The following ODF2 variants were observed in gnomAD, a reference collection of about 807,000 sequenced individuals.
The protein encoded by ODF2 is outer dense fiber protein 2.
In ODF2, 47 loss-of-function variants were observed where a neutral mutation model predicts 110.2. The ratio of observed to expected loss-of-function variants is 0.43; its 90% confidence interval spans 0.34 to 0.54. The LOEUF is 0.54. Ranked by LOEUF, ODF2 falls within the 20% of genes least tolerant of loss-of-function variation. The pLI is 0.03. For synonymous variants in ODF2, 352 were observed against 397.7 expected (o/e 0.89, Z 1.37); for missense variants, 812 against 1,054.5 (o/e 0.77, Z 3.19).
Position 128,459,592 on chromosome 9 carries a change from G to A in ODF2, c.58G>A (p.Val20Ile), listed in dbSNP as rs759153208. 11 of 1,613,906 alleles carry A rather than the reference G, an allele frequency of 6.8e-6. No homozygotes were observed. In the Admixed American group the frequency reaches 8.3e-5, roughly 12 times the overall value. Reference sequence around the variant, plus strand: ...GTTTCCATCGTGTGGGAAGAACGGAGTAACGAGTCTCACGCAGAAAAAGGT... The same window carrying A: ...GTTTCCATCGTGTGGGAAGAACGGAATAACGAGTCTCACGCAGAAAAAGGT... The change falls in exon 3 of 21, where the codon GTA (valine) becomes ATA (isoleucine). Residue 20 changes from valine to isoleucine, a missense_variant. Transcript: ENST00000604420.
At position 128,473,434 on chromosome 9, in the gene ODF2, C is replaced by G. The variant is rs1332888524; in HGVS notation, c.712-176C>G. 10 of 703,592 alleles carry G rather than the reference C, an allele frequency of 1.4e-5. No individual in the cohort carries two copies. The African/African-American group carries it at 1.7e-4, about 12-fold the overall frequency. 43.6% of individuals were successfully genotyped at this position (703,592 alleles called of 1,614,324 possible). On this transcript the variant is annotated intron_variant, in intron 7 of 20. Coordinates refer to ENST00000604420, the Ensembl canonical transcript of ODF2. ...CCTTTGCTCGGAGCAGACTTAGCTC[C>G]TGCTTGTCCCTTTAGGTCCACCGCT...
chr9:128,469,097 T>C (rs1272388372), intron 4 of ODF2, 86 bp from the exon 5 acceptor site: 4 of 1,338,302 alleles, frequency 3.0e-6, no homozygotes, highest in Non-Finnish European at 4.2e-6. Context: ...TTTTCCCGTC[T>C]AATCAGTAAA....
At chr9:128,484,396 G>A (rs759644723) in intron 11 of ODF2, among the ~76,000 whole-genome samples, 1 of 152,142 alleles carries the variant, frequency 6.6e-6, no homozygotes, top group East Asian at 1.9e-4. Flanking sequence ...ACTCTGCTGA[G>A]TGACCAAGGA....
At chr9:128,468,906 A>G in intron 4 of ODF2, 1 of 360,664 alleles carries the variant, frequency 2.8e-6, no homozygotes, top group South Asian at 4.8e-5. Context: ...GCCTCCCAAT[A>G]TACTGGTTTT....
At chr9:128,497,573 G>A (rs1845881824) in intron 18 of ODF2, 1 of 148,844 alleles carries the variant, frequency 6.7e-6, no homozygotes, top group African/African-American at 2.5e-5. Flanking sequence ...GAACCCGGGA[G>A]GCGGAGCTTG....
chr9:128,462,464 G>A (rs1414912339), intron 4 of ODF2, among the ~76,000 whole-genome samples: 3 of 151,972 alleles, frequency 2.0e-5, no homozygotes, highest in African/African-American at 7.2e-5. Flanking sequence ...CTTTTAAAAC[G>A]TTTTTTATAG....
intron 14 of ODF2, 107 bp from the exon 15 acceptor site, chr9:128,492,319 T>C: frequency 1.3e-6 from 1 of 760,486 alleles, no homozygotes; most frequent in Non-Finnish European, 2.4e-6. Flanking sequence ...CTCTGTGGGT[T>C]AGAGTAGGGG....
rs755161281 is a variant in ODF2, at chr9:128,494,719, C to T, written c.1911+51C>T. The T allele has an allele frequency of 6.2e-7, 1 of 1,614,102 alleles. No individual in the cohort carries two copies. The highest frequency in any genetic ancestry group is 1.7e-5 in the Admixed American group (1 of 60,028). On this transcript the variant is annotated intron_variant, in intron 17 of 20. Coordinates refer to ENST00000604420, the Ensembl canonical transcript of ODF2. The surrounding 1 kb of genome is among the most constrained non-coding windows in gnomAD (Gnocchi z 4.6). ...ACGAACTGACCCGAGCAGGGGCCCGCATACCAAGATGAGCTGCACGCCCCC... is the reference window on the plus strand; with the variant it reads ...ACGAACTGACCCGAGCAGGGGCCCGTATACCAAGATGAGCTGCACGCCCCC...
Position 128,485,425 on chromosome 9 carries a change from G to C in ODF2, c.1351G>C (p.Val451Leu), listed in dbSNP as rs1238453853. Reference sequence around the variant, plus strand: ...ATCCTGGAGGAGCCGCTACAACCAAGTTGTAAAAGAAAAGGGAGACCTTGA... The same window carrying C: ...ATCCTGGAGGAGCCGCTACAACCAACTTGTAAAAGAAAAGGGAGACCTTGA... The change falls in exon 13 of 21, where the codon GTT becomes CTT. Residue 451 changes from valine to leucine, a missense_variant. Physicochemically the swap from Val to Leu is conservative, Grantham distance 32. Around this residue, in one of 5 missense-constraint regions of ODF2, gnomAD observed 165 missense variants for 293.4 expected, o/e 0.56. Transcript: ENST00000604420. The surrounding 1 kb of genome is among the most constrained non-coding windows in gnomAD (Gnocchi z 5.0). 1.2e-6 allele frequency: 2 copies of C among 1,611,646 alleles called. No individual in the cohort carries two copies. Among genetic ancestry groups the C allele is most frequent in the Non-Finnish European group, 8.5e-7 (1 of 1,177,974 alleles).
intron 2 of ODF2, among the ~76,000 whole-genome samples, chr9:128,458,755 T>G (rs1211954423): frequency 3.7e-4 from 57 of 152,108 alleles, no homozygotes; most frequent in Admixed American, 1.3e-4. Context: ...TTTATTCTCT[T>G]AGGGGAATAT....
At position 128,471,475 on chromosome 9, in the gene ODF2, T is replaced by C. The variant is rs138460347; in HGVS notation, c.581+7T>C. ...AGGAGAAGGACTTCACCATGTAAGG[T>C]GGCTCCTGCTCTGTCCCCGCTGATC... On this transcript the variant is annotated splice_region_variant and intron_variant, in intron 6 of 20. Transcript: ENST00000604420. The C allele has an allele frequency of 1.8e-4, 294 of 1,612,744 alleles. No homozygotes were observed. The Middle Eastern group carries it at 3.3e-3, about 18-fold the overall frequency.
chr9:128,501,057 T>G (rs1159459302), downstream of ODF2: 1 of 152,188 alleles, frequency 6.6e-6, no homozygotes, highest in Non-Finnish European at 1.5e-5. Context: ...CCAGTAGACA[T>G]TTTTAAAGTA....
At position 128,494,753 on chromosome 9, in the gene ODF2, G is replaced by A. The variant is rs1190271680; in HGVS notation, c.1911+85G>A. The A allele has an allele frequency of 6.2e-7, 1 of 1,611,900 alleles. No individual in the cohort carries two copies. The highest frequency in any genetic ancestry group is 1.3e-5 in the African/African-American group (1 of 74,864). On this transcript the variant is annotated intron_variant, in intron 17 of 20. Coordinates refer to ENST00000604420, the Ensembl canonical transcript of ODF2. This position sits in a 1 kb window ranked among gnomAD's most constrained non-coding sequence, Gnocchi z 4.6. Reference sequence around the variant, plus strand: ...ATGAGCTGCACGCCCCCCAAGGGAGGACTACTTCCTTTTTCTTGGCTGCTG... The same window carrying A: ...ATGAGCTGCACGCCCCCCAAGGGAGAACTACTTCCTTTTTCTTGGCTGCTG...
chr9:128,491,736 A>C (rs937230308), intron 14 of ODF2, among the ~76,000 whole-genome samples: 18 of 152,226 alleles, frequency 1.2e-4, no homozygotes, highest in African/African-American at 4.3e-4. Context: ...AAACTATGTT[A>C]CATAGCAGTA....
chr9:128,456,330 G>A (rs1485199086), intron 1 of ODF2, 75 bp downstream of exon 1: 62 of 1,459,758 alleles, frequency 4.2e-5, no homozygotes, highest in Middle Eastern at 4.9e-4. Flanking sequence ...TCGCACCCCC[G>A]GCGCGGTCGA....
upstream of ODF2, chr9:128,455,244 G>A (rs2131363428): frequency 2.0e-6 from 3 of 1,535,070 alleles, no homozygotes; most frequent in East Asian, 2.4e-5. Flanking sequence ...TACACAGAGC[G>A]GCATAGAGAG....
rs1419839694 is a variant in ODF2, at chr9:128,498,998, C to T, written c.2176-3C>T. 8 of 1,613,344 alleles carry T rather than the reference C, an allele frequency of 5.0e-6. No homozygotes were observed. The South Asian group carries it at 7.7e-5, about 16-fold the overall frequency. On this transcript the variant is annotated splice_polypyrimidine_tract_variant and splice_region_variant and intron_variant, in intron 19 of 20. Transcript: ENST00000604420. The stretch of plus-strand genomic sequence containing the variant: ...TCTCATGTCTGGGCCTTTGAATGTG[C>T]AGGTGGAACAAACCAAGGAGCACGC...
At position 128,498,969 on chromosome 9, in the gene ODF2, C is replaced by T. The variant is rs1375513322; in HGVS notation, c.2176-32C>T. On this transcript the variant is annotated intron_variant, in intron 19 of 20. Coordinates refer to ENST00000604420, the Ensembl canonical transcript of ODF2. ...CCAAGTGTTCCCCATGTCCGGTAAA[C>T]CAGTCTCATGTCTGGGCCTTTGAAT... The T allele has an allele frequency of 5.6e-6, 9 of 1,611,740 alleles. 1 individual carries two copies. Among genetic ancestry groups the T allele is most frequent in the Middle Eastern group, 3.3e-4 (2 of 6,072 alleles).
At chr9:128,487,067 CCTCTCT>C (rs753320019) in intron 13 of ODF2, among the ~76,000 whole-genome samples, 2 of 150,692 alleles carry the variant, frequency 1.3e-5, no homozygotes, top group East Asian at 1.9e-4. Flanking sequence ...GGTACACATC[CCTCTCT>C]CTCTCTCTCT....
Sources: gnomAD v4.1 joint callset for allele counts (sites outside exome capture counted in the v4.1 genomes callset) on GRCh38, gnomAD v4.1.1 for gene constraint, gnomAD v4.1.1 regional missense constraint, Gnocchi (gnomAD v3.1) non-coding constraint, MANE v1.5 for transcripts, NCBI Gene and HGNC (gene_info 2026-07-23, HGNC 2026-07-21) for gene names.